The following KSR1 variants were observed in gnomAD, a reference collection of about 807,000 sequenced individuals.
The protein encoded by KSR1 is kinase suppressor of ras.
A neutral mutation model predicts 92.9 loss-of-function variants in KSR1; 35 were observed. That is an observed-to-expected ratio of 0.38 (90% confidence interval 0.29 to 0.50). KSR1 has a LOEUF of 0.50. Among genes scored for constraint, KSR1 ranks in the 20% least tolerant of loss-of-function variants. The pLI, the probability that KSR1 is intolerant of heterozygous loss-of-function variation, is 0.94. For missense variants in KSR1, 972 were observed against 1,158.5 expected (o/e 0.84, Z 2.34); for synonymous variants, 467 against 472.6 (o/e 0.99, Z 0.15).
At position 27,611,300 on chromosome 17, in the gene KSR1, G is replaced by A. The variant is rs544388405; in HGVS notation, c.2358-194G>A. The A allele has an allele frequency of 6.3e-5, 39 of 622,528 alleles. 1 individual carries two copies. The highest frequency in any genetic ancestry group is 4.3e-4 in the East Asian group (15 of 35,222). The allele number at this position is 622,528 out of a possible 1,614,324, so 38.6% of individuals were successfully genotyped here. A position where few individuals can be genotyped will look rare whatever the true frequency, so the allele number is the denominator to read the frequency against. On this transcript the variant is annotated intron_variant, in intron 17 of 20. Coordinates refer to ENST00000644974, the MANE Select transcript of KSR1 (RefSeq NM_001394583.1). Reference sequence around the variant, plus strand: ...CGCTGTCTCAGACTTCCCACCCAACGAGAGCACAGGGCCCAGGTCCTCTAG... The same window carrying A: ...CGCTGTCTCAGACTTCCCACCCAACAAGAGCACAGGGCCCAGGTCCTCTAG...
At position 27,464,013 on chromosome 17, in the gene KSR1, G is replaced by C. The variant is rs147645136; in HGVS notation, c.231+7139G>C. Among the ~76,000 whole-genome samples, 627 of 152,286 alleles carry C rather than the reference G, an allele frequency of 4.1e-3. 6 individuals carry two copies. The highest frequency in any genetic ancestry group is 0.014 in the African/African-American group (601 of 41,540). ...ACCCCTGTTAAGCAGAATTAACAAA[G>C]GGTGGTTATTAAAGGAGCACTGAGT... On this transcript the variant is annotated intron_variant, in intron 1 of 20. Transcript: ENST00000644974.
rs957271351 is a variant in KSR1, at chr17:27,590,912, G to C, written c.1130+18G>C. ...CATTGCAGGTGATGGGAAGAGGAGT[G>C]GGGGTGGGGGGAGCAGACACTTTTA... On this transcript the variant is annotated intron_variant, in intron 7 of 20. Coordinates refer to ENST00000644974, the MANE Select transcript of KSR1 (RefSeq NM_001394583.1). 8 of 1,597,558 alleles carry C rather than the reference G, an allele frequency of 5.0e-6. No individual in the cohort carries two copies. Among genetic ancestry groups the C allele is most frequent in the East Asian group, 2.2e-5 (1 of 44,462 alleles).
intron 2 of KSR1, among the ~76,000 whole-genome samples, chr17:27,555,617 C>T (rs934965426): frequency 6.6e-6 from 1 of 152,174 alleles, no homozygotes; most frequent in African/African-American, 2.4e-5. Flanking sequence ...ACTAACCCCA[C>T]TTCTAGAATC....
rs2074338224 is a variant in KSR1, at chr17:27,626,274, A to G, written c.*2882A>G. ...GTACAGTAAAGTTTTTATATTTTCT[A>G]TCAACTACATTTGTCTTCCAGACAT... On this transcript the variant is annotated 3_prime_UTR_variant, in exon 21 of 21. Transcript: ENST00000644974. 1 of 152,274 alleles carries G rather than the reference A, an allele frequency of 6.6e-6. No homozygotes were observed. Among genetic ancestry groups the G allele is most frequent in the Non-Finnish European group, 1.5e-5 (1 of 68,054 alleles). 9.4% of individuals were successfully genotyped at this position (152,274 alleles called of 1,614,324 possible).
At chr17:27,552,009 G>A (rs1302114291) in intron 2 of KSR1, among the ~76,000 whole-genome samples, 1 of 152,080 alleles carries the variant, frequency 6.6e-6, no homozygotes, top group Non-Finnish European at 1.5e-5. Context: ...CCTTTGCTCG[G>A]TAGACTCTAA....
intron 2 of KSR1, among the ~76,000 whole-genome samples, chr17:27,556,241 G>A (rs2071590642): frequency 6.6e-6 from 1 of 152,106 alleles, no homozygotes; most frequent in Non-Finnish European, 1.5e-5. Context: ...TTGAGACAGG[G>A]TCTCGCTCTG....
At chr17:27,477,470 G>A (rs2068380169) in intron 1 of KSR1, among the ~76,000 whole-genome samples, 1 of 152,202 alleles carries the variant, frequency 6.6e-6, no homozygotes, top group Admixed American at 6.5e-5. Flanking sequence ...GGGCACACCA[G>A]TGGTGACAGG....
chr17:27,603,807 T>A, intron 11 of KSR1, 27 bp from the exon 12 acceptor site: 2 of 1,613,360 alleles, frequency 1.2e-6, no homozygotes, highest in South Asian at 2.2e-5. Flanking sequence ...AATCTCATGC[T>A]TTGTGTTTGG....
At chr17:27,488,533 A>C (rs1255411739) in intron 1 of KSR1, among the ~76,000 whole-genome samples, 1 of 152,206 alleles carries the variant, frequency 6.6e-6, no homozygotes, top group Non-Finnish European at 1.5e-5. Flanking sequence ...CATTAATTAG[A>C]ATGTGCTATG....
chr17:27,496,926 G>A (rs1597882663), intron 1 of KSR1, among the ~76,000 whole-genome samples: 1 of 152,326 alleles, frequency 6.6e-6, no homozygotes, highest in Non-Finnish European at 1.5e-5. Flanking sequence ...GAACTCTGAG[G>A]TTCAGCTTTC....
At chr17:27,622,640 C>G (rs1261394746) in intron 20 of KSR1, 1 of 152,750 alleles carries the variant, frequency 6.5e-6, no homozygotes, top group Non-Finnish European at 1.5e-5. Flanking sequence ...GACAATTTTT[C>G]TGATGAAAAC....
intron 1 of KSR1, among the ~76,000 whole-genome samples, chr17:27,490,795 C>T (rs1370988854): frequency 6.6e-6 from 1 of 152,160 alleles, no homozygotes; most frequent in Non-Finnish European, 1.5e-5. Flanking sequence ...ACTTGTGGGA[C>T]TCTGACACCT....
chr17:27,609,857 T>C lies in KSR1; in HGVS notation c.2226-210T>C, dbSNP rs1014083726. ...AATATTTATCCATTCTTGCCCTGCT[T>C]TTCTAGAAACAACCGGTCATGACTC... On this transcript the variant is annotated intron_variant, in intron 16 of 20. Transcript: ENST00000644974. 5 of 529,496 alleles carry C rather than the reference T, an allele frequency of 9.4e-6. No individual in the cohort carries two copies. The Admixed American group carries it at 1.8e-4, about 19-fold the overall frequency. 32.8% of individuals were successfully genotyped at this position (529,496 alleles called of 1,614,324 possible).
At chr17:27,500,586 T>C (rs752666795) in intron 1 of KSR1, among the ~76,000 whole-genome samples, 2 of 152,224 alleles carry the variant, frequency 1.3e-5, no homozygotes, top group Non-Finnish European at 2.9e-5. Flanking sequence ...TTTTAGCTTA[T>C]TTGGTTAAAT....
At position 27,601,945 on chromosome 17, in the gene KSR1, G is replaced by C. The variant is rs745609675; in HGVS notation, c.1510+544G>C. 1.2e-6 allele frequency: 2 copies of C among 1,605,890 alleles called. No homozygotes were observed. Among genetic ancestry groups the C allele is most frequent in the Admixed American group, 3.4e-5 (2 of 58,954 alleles). ...GCCTCCTTATTGCAGAAAGTTTAAA[G>C]GAAAACGCTTTCAGTAAGTCAATAC... On this transcript the variant is annotated intron_variant, in intron 11 of 20. Transcript: ENST00000644974.
chr17:27,552,136 C>G (rs754884174), intron 2 of KSR1, among the ~76,000 whole-genome samples: 1 of 152,156 alleles, frequency 6.6e-6, no homozygotes, highest in Non-Finnish European at 1.5e-5. Context: ...GTGATGTGAT[C>G]TAAAGATCAT....
At chr17:27,504,087 G>A (rs1567771168) in intron 1 of KSR1, among the ~76,000 whole-genome samples, 1 of 152,236 alleles carries the variant, frequency 6.6e-6, no homozygotes, top group Non-Finnish European at 1.5e-5. Context: ...TAGTGAAGAT[G>A]TTGTGCTTGG....
At chr17:27,535,453 C>T (rs569499433) in intron 1 of KSR1, among the ~76,000 whole-genome samples, 2 of 152,270 alleles carry the variant, frequency 1.3e-5, no homozygotes, top group East Asian at 3.9e-4. Flanking sequence ...CAGAGGTGTT[C>T]CTTGGGCCTC....
At chr17:27,600,090 CTTTTTTTTTTT>C (rs552526373) in intron 10 of KSR1, among the ~76,000 whole-genome samples, 5 of 115,334 alleles carry the variant, frequency 4.3e-5, no homozygotes, top group Admixed American at 1.0e-4. Context: ...TTACAGATAA[CTTTTTTTTTTT>C]TTTTTTTTTT....
Sources: gnomAD v4.1 joint callset for allele counts (sites outside exome capture counted in the v4.1 genomes callset) on GRCh38, gnomAD v4.1.1 for gene constraint, MANE v1.5 for transcripts, NCBI Gene and HGNC (gene_info 2026-07-23, HGNC 2026-07-21) for gene names.